MEGF8: variants seen among roughly 807,000 people sequenced by gnomAD.
MEGF8 encodes the protein multiple EGF like domains 8.
Under a neutral mutation model 302.9 loss-of-function variants are expected in MEGF8, and 156 were observed. The observed-to-expected ratio is 0.52, with a 90% CI of 0.45 to 0.59. MEGF8 has a LOEUF of 0.59. Ranked by LOEUF, MEGF8 falls within the 20% of genes least tolerant of loss-of-function variation. MEGF8 has a pLI of 0.00. For synonymous variants in MEGF8, 1,621 were observed against 1,660.5 expected (o/e 0.98, Z 0.58); for missense variants, 3,345 against 3,964.5 (o/e 0.84, Z 4.20).
intron 32 of MEGF8, 147 bp downstream of exon 32, chr19:42,361,153 C>T (rs1035518426): frequency 2.4e-6 from 2 of 830,788 alleles, no homozygotes; most frequent in Non-Finnish European, 1.7e-6. Context: ...GCCGGGGGAG[C>T]TCTGAGTGGG....
chr19:42,348,509 G>A, intron 13 of MEGF8, 37 bp downstream of exon 13: 1 of 1,478,086 alleles, frequency 6.8e-7, no homozygotes, highest in Non-Finnish European at 9.0e-7. Flanking sequence ...GTTGTTTATG[G>A]TAAATAGGGA....
At position 42,369,838 on chromosome 19, in the gene MEGF8, T is replaced by C. The variant is rs2039661119; in HGVS notation, c.6834+115T>C. 8.4e-7 allele frequency: 1 copy of C among 1,195,580 alleles called. No homozygotes were observed. The highest frequency in any genetic ancestry group is 2.6e-5 in the East Asian group (1 of 39,032). 74.1% of individuals were successfully genotyped at this position (1,195,580 alleles called of 1,614,324 possible). On this transcript the variant is annotated intron_variant, in intron 38 of 41. Transcript: ENST00000251268. The surrounding 1 kb of genome is among the most constrained non-coding windows in gnomAD (Gnocchi z 5.7). ...TGAGCCCTGATAAGCCAGGGACAGA[T>C]AAGCCAGAGCCCTGTCCCAGGGAGA...
At chr19:42,355,660 C>G in intron 23 of MEGF8, 98 bp from the exon 24 acceptor site, 4 of 1,439,376 alleles carry the variant, frequency 2.8e-6, no homozygotes, top group Non-Finnish European at 3.7e-6. Context: ...ATGGTGCCTT[C>G]CTTCCCTGCC....
Position 42,336,122 on chromosome 19 carries a change from C to T in MEGF8, c.1020C>T (p.Ala340=). 4 of 1,608,152 alleles carry T rather than the reference C, an allele frequency of 2.5e-6. No homozygotes were observed. Among genetic ancestry groups the T allele is most frequent in the Non-Finnish European group, 3.4e-6 (4 of 1,178,918 alleles). ...CAGGCCTGGCAGGTCACGCGGCTGC[C>T]CTGGTGGATGATGTCTGGCTATATG... ...GPPGLAGHAA[A]LVDDVWLYVS... is the part of the protein sequence containing the mutation. Residue 340 remains alanine, a synonymous_variant, in exon 6 of 42, where the codon GCC becomes GCT. Transcript: ENST00000251268. This position sits in a 1 kb window ranked among gnomAD's most constrained non-coding sequence, Gnocchi z 4.8.
At chr19:42,333,800 C>A (rs146692974) in intron 2 of MEGF8, 32 bp downstream of exon 2, 2 of 1,607,090 alleles carry the variant, frequency 1.2e-6, no homozygotes, top group African/African-American at 2.7e-5. Flanking sequence ...GCAGATACAC[C>A]GAGGGAAATG....
Position 42,344,363 on chromosome 19 carries a change from C to A in MEGF8, c.1789-78C>A, listed in dbSNP as rs2147464399. 49 of 1,503,344 alleles carry A rather than the reference C, an allele frequency of 3.3e-5. No individual in the cohort carries two copies. In the South Asian group the frequency reaches 5.7e-4, roughly 18 times the overall value. 93.1% of individuals were successfully genotyped at this position (1,503,344 alleles called of 1,614,324 possible). ...TTTTTCGCCCTTTCCATCGCAGGAC[C>A]CTGTATCCACAGCCCTTCCTTCCCA... is the stretch of plus-strand genomic sequence containing the variant. On this transcript the variant is annotated intron_variant, in intron 10 of 41. Transcript: ENST00000251268. This position sits in a 1 kb window ranked among gnomAD's most constrained non-coding sequence, Gnocchi z 4.5.
Position 42,344,915 on chromosome 19 carries a change from C to A in MEGF8, c.2097+82C>A. Reference sequence around the variant, plus strand: ...TTTTTTCTCAAATGCATCTTTATCACTCTTATGTTTACTCCAAAACTCTTT... The same window carrying A: ...TTTTTTCTCAAATGCATCTTTATCAATCTTATGTTTACTCCAAAACTCTTT... On this transcript the variant is annotated intron_variant, in intron 12 of 41. Transcript: ENST00000251268. This position sits in a 1 kb window ranked among gnomAD's most constrained non-coding sequence, Gnocchi z 4.5. 7.3e-7 allele frequency: 1 copy of A among 1,368,584 alleles called. No homozygotes were observed. The highest frequency in any genetic ancestry group is 9.7e-7 in the Non-Finnish European group (1 of 1,025,702). 84.8% of individuals were successfully genotyped at this position (1,368,584 alleles called of 1,614,324 possible). A position where few individuals can be genotyped will look rare whatever the true frequency, so the allele number is the denominator to read the frequency against.
rs1314201076 is a variant in MEGF8, at chr19:42,377,804, T to G, written c.*1029T>G. 1 of 151,208 alleles carries G rather than the reference T, an allele frequency of 6.6e-6. No individual in the cohort carries two copies. Among genetic ancestry groups the G allele is most frequent in the African/African-American group, 2.4e-5 (1 of 41,018 alleles). 9.4% of individuals were successfully genotyped at this position (151,208 alleles called of 1,614,324 possible). A position where few individuals can be genotyped will look rare whatever the true frequency, so the allele number is the denominator to read the frequency against. ...TCCACCTCAAAAAAAAAAAAAAAAT[T>G]TAAGAGGTCACTCAGTTGTGCTGTG... is the stretch of plus-strand genomic sequence containing the variant. On this transcript the variant is annotated 3_prime_UTR_variant, in exon 42 of 42. Coordinates refer to ENST00000251268, the MANE Select transcript of MEGF8 (RefSeq NM_001271938.2).
At chr19:42,362,908 G>A in intron 34 of MEGF8, 140 bp from the exon 35 acceptor site, 1 of 776,242 alleles carries the variant, frequency 1.3e-6, no homozygotes, top group Non-Finnish European at 2.1e-6. Context: ...GATCTCTTGG[G>A]TCTGAGGGAG....
rs1249753460 is a variant in MEGF8, at chr19:42,361,324, C to G, written c.5720+318C>G. 2.6e-5 allele frequency among the ~76,000 whole-genome samples: 4 copies of G among 152,264 alleles called. No homozygotes were observed. In the East Asian group the frequency reaches 7.7e-4, roughly 29 times the overall value. The stretch of plus-strand genomic sequence containing the variant: ...GTCAGCTCAGAAAGGGCTTCCCATG[C>G]CTGGCAGAGGCACTGGCTCTGTCCA... On this transcript the variant is annotated intron_variant, in intron 32 of 41. Coordinates refer to ENST00000251268, the MANE Select transcript of MEGF8 (RefSeq NM_001271938.2).
At chr19:42,341,845 A>G (rs1425700544) in intron 8 of MEGF8, among the ~76,000 whole-genome samples, 1 of 152,100 alleles carries the variant, frequency 6.6e-6, no homozygotes, top group Non-Finnish European at 1.5e-5. Context: ...TAAATCAGAC[A>G]CTGCTTTGAA....
At chr19:42,332,850 A>G (rs2039072931) in intron 1 of MEGF8, among the ~76,000 whole-genome samples, 1 of 152,204 alleles carries the variant, frequency 6.6e-6, no homozygotes, top group South Asian at 2.1e-4. Flanking sequence ...TTAACTTTCA[A>G]TGGCAGGAGT....
Position 42,343,496 on chromosome 19 carries a change from T to A in MEGF8, c.1533T>A (p.Ser511Arg). Reference protein sequence around the residue: ...GTPEGRAAPPSGRYSHVAAVL... With the variant: ...GTPEGRAAPPRGRYSHVAAVL... ...CCCTAGGCCGAGCAGCGCCTCCCAG[T>A]GGTCGGTACTCACATGTAGCTGCGG... The change falls in exon 9 of 42, where the codon AGT becomes AGA. Residue 511 changes from serine (S) to arginine (R), a missense_variant. Ser to Arg is a moderately radical substitution (Grantham distance 110). Coordinates refer to ENST00000251268, the MANE Select transcript of MEGF8 (RefSeq NM_001271938.2). The A allele has an allele frequency of 6.2e-7, 1 of 1,605,540 alleles. No homozygotes were observed. Among genetic ancestry groups the A allele is most frequent in the Non-Finnish European group, 8.5e-7 (1 of 1,173,480 alleles).
chr19:42,336,873 G>A lies in MEGF8; in HGVS notation c.1311G>A (p.Lys437=), dbSNP rs372297256. Residue 437 remains lysine, a synonymous_variant, in exon 7 of 42, where the codon AAG becomes AAA. Transcript: ENST00000251268. This position sits in a 1 kb window ranked among gnomAD's most constrained non-coding sequence, Gnocchi z 4.8. The stretch of plus-strand genomic sequence containing the variant: ...ATCGGCATGTGTGGACGACGCTGAA[G>A]GGGCGGGATGGGCTTCAGGGCCCAA... ...HVDRHVWTTL[K]GRDGLQGPRE... 4 of 1,612,930 alleles carry A rather than the reference G, an allele frequency of 2.5e-6. No homozygotes were observed. The highest frequency in any genetic ancestry group is 1.7e-4 in the Middle Eastern group (1 of 6,050).
chr19:42,363,102 G>A lies in MEGF8; in HGVS notation c.6113G>A (p.Ser2038Asn). 1 of 1,613,378 alleles carries A rather than the reference G, an allele frequency of 6.2e-7. No individual in the cohort carries two copies. The highest frequency in any genetic ancestry group is 8.5e-7 in the Non-Finnish European group (1 of 1,179,628). Residue 2038 changes from serine to asparagine, a missense_variant, in exon 35 of 42, where the codon AGC becomes AAC. Physicochemically the swap from Ser to Asn is conservative, Grantham distance 46 (BLOSUM62 1). Coordinates refer to ENST00000251268, the MANE Select transcript of MEGF8 (RefSeq NM_001271938.2). ...CCCACCTATGACTGGACGTGCTTCAGCCACTCTCTGCTGAATGTGTCCCCC... is the reference window on the plus strand; with the variant it reads ...CCCACCTATGACTGGACGTGCTTCAACCACTCTCTGCTGAATGTGTCCCCC... Reference protein sequence around the residue: ...VQPTYDWTCFSHSLLNVSPMP... With the variant: ...VQPTYDWTCFNHSLLNVSPMP...
At chr19:42,350,423 G>A in intron 15 of MEGF8, 39 bp downstream of exon 15, 9 of 1,454,142 alleles carry the variant, frequency 6.2e-6, no homozygotes, top group Non-Finnish European at 8.2e-6. Context: ...CAAGGTGGAG[G>A]GAGCCACAGC....
intron 41 of MEGF8, among the ~76,000 whole-genome samples, chr19:42,373,133 G>A (rs990503075): frequency 2.0e-5 from 3 of 148,298 alleles, no homozygotes; most frequent in East Asian, 2.0e-4. Context: ...TCACTCTGTC[G>A]CCAAGCTGGA....
chr19:42,374,971 C>T (rs1226417620), intron 41 of MEGF8, among the ~76,000 whole-genome samples: 5 of 152,200 alleles, frequency 3.3e-5, no homozygotes, highest in Admixed American at 6.5e-5. Context: ...GCAGAGGGTC[C>T]GCCAGTGCAA....
Position 42,369,452 on chromosome 19 carries a change from G to C in MEGF8, c.6642-79G>C, listed in dbSNP as rs954899207. The C allele has an allele frequency of 9.9e-6, 14 of 1,419,112 alleles. No individual in the cohort carries two copies. Among genetic ancestry groups the C allele is most frequent in the Non-Finnish European group, 1.3e-5 (14 of 1,038,154 alleles). The allele number at this position is 1,419,112 out of a possible 1,614,324, so 87.9% of individuals were successfully genotyped here. On this transcript the variant is annotated intron_variant, in intron 37 of 41. Transcript: ENST00000251268. This position sits in a 1 kb window ranked among gnomAD's most constrained non-coding sequence, Gnocchi z 5.7. ...ATGAGCAACCAGTTGAGAAGAGGGT[G>C]GGGTAGTTGGTTGGGTGCTAGGCCA...
Sources: gnomAD v4.1 joint callset for allele counts (sites outside exome capture counted in the v4.1 genomes callset) on GRCh38, gnomAD v4.1.1 for gene constraint, Gnocchi (gnomAD v3.1) non-coding constraint, MANE v1.5 for transcripts, NCBI Gene and HGNC (gene_info 2026-07-23, HGNC 2026-07-21) for gene names.